SHROOM2: variants seen among roughly 807,000 people sequenced by gnomAD.
SHROOM2 encodes shroom family member 2.
Under a neutral mutation model 75.9 loss-of-function variants are expected in SHROOM2, and 33 were observed. That is an observed-to-expected ratio of 0.43 (90% CI 0.33 to 0.58). The LOEUF (loss-of-function observed/expected upper bound fraction) is 0.58, where lower values mean the gene tolerates loss of function less well. SHROOM2 is among the 20% of genes least tolerant of loss of function. The pLI, the probability that SHROOM2 is intolerant of heterozygous loss-of-function variation, is 0.04. For missense variants in SHROOM2, 1,434 were observed against 1,461.2 expected (o/e 0.98, Z 0.30); for synonymous variants, 655 against 663.6 (o/e 0.99, Z 0.20).
chrX:9,786,926 C>T (rs974707561), intron 1 of SHROOM2, among the ~76,000 whole-genome samples: 149 of 111,750 alleles, frequency 1.3e-3, no homozygotes, highest in Non-Finnish European at 2.3e-3. Context: ...GGCTCCTGCC[C>T]GGAGTCCCTT....
chrX:9,818,399 CT>C, intron 1 of SHROOM2: 1 of 251,489 alleles, frequency 4.0e-6, no homozygotes, highest in Non-Finnish European at 8.0e-6. Context: ...AATGGTTCTA[CT>C]TTGACACGAA....
intron 5 of SHROOM2, among the ~76,000 whole-genome samples, chrX:9,925,122 C>T (rs1392811092): frequency 8.9e-6 from 1 of 112,142 alleles, no homozygotes; most frequent in African/African-American, 3.2e-5. Context: ...TTTTCCACCT[C>T]ATCTGGCCTT....
At position 9,786,649 on chromosome X, in the gene SHROOM2, C is replaced by A; in HGVS notation, c.104C>A (p.Ala35Asp). The change falls in exon 1 of 10, where the codon GCC (alanine) becomes GAC (aspartate). Residue 35 changes from alanine to aspartate, a missense_variant. Physicochemically the swap from Ala to Asp is moderately radical, Grantham distance 126 (BLOSUM62 -2). This residue lies in a region of SHROOM2 where 1,340 missense variants were observed against 1,338.3 expected (regional missense o/e 1.00). Coordinates refer to ENST00000380913, the MANE Select transcript of SHROOM2 (RefSeq NM_001649.4). The stretch of plus-strand genomic sequence containing the variant: ...GTGGAGGTGCAGCTGAGCGGCGGCG[C>A]CCCGTGGGGCTTCACCCTGAAGGGC... ...RLVEVQLSGG[A>D]PWGFTLKGGR... 1.1e-6 allele frequency: 1 copy of A among 887,189 alleles called. No homozygotes were observed. The highest frequency in any genetic ancestry group is 6.0e-5 in the South Asian group (1 of 16,699). 73.1% of individuals were successfully genotyped at this position (887,189 alleles called of 1,213,427 possible). A position where few individuals can be genotyped will look rare whatever the true frequency, so the allele number is the denominator to read the frequency against.
intron 2 of SHROOM2, among the ~76,000 whole-genome samples, chrX:9,881,862 G>T (rs2084233197): frequency 8.9e-6 from 1 of 112,165 alleles, no homozygotes; most frequent in Non-Finnish European, 1.9e-5. Flanking sequence ...CTATACCTTG[G>T]TTTTTGTTTT....
intron 5 of SHROOM2, among the ~76,000 whole-genome samples, chrX:9,905,829 G>A (rs2084388678): frequency 8.9e-6 from 1 of 111,844 alleles, no homozygotes; most frequent in African/African-American, 3.3e-5. Context: ...GGACTCCCCT[G>A]TAAATGATGT....
chrX:9,905,568 C>T (rs1196191991), intron 5 of SHROOM2, among the ~76,000 whole-genome samples: 1 of 113,292 alleles, frequency 8.8e-6, no homozygotes, highest in South Asian at 3.5e-4. Context: ...TGGGCGGTGA[C>T]GGCGCGGGAG....
intron 5 of SHROOM2, among the ~76,000 whole-genome samples, chrX:9,915,906 T>C (rs1389568998): frequency 9.0e-6 from 1 of 111,706 alleles, no homozygotes; most frequent in Non-Finnish European, 1.9e-5. Context: ...AGATTGAGAT[T>C]TTCTCTTAAT....
At position 9,809,864 on chromosome X, in the gene SHROOM2, C is replaced by T. The variant is rs187317324; in HGVS notation, c.165+23154C>T. ...TTTGTGTGTGTGTTTTTAGTAGAGA[C>T]GGGGTTTCACCATGTTTTCCAGGCT... is the stretch of plus-strand genomic sequence containing the variant. On this transcript the variant is annotated intron_variant, in intron 1 of 9. Coordinates refer to ENST00000380913, the MANE Select transcript of SHROOM2 (RefSeq NM_001649.4). Among the ~76,000 whole-genome samples the T allele has an allele frequency of 3.6e-3, 402 of 111,410 alleles. 3 individuals carry two copies. Among genetic ancestry groups the T allele is most frequent in the African/African-American group, 0.012 (358 of 30,706 alleles).
intron 1 of SHROOM2, among the ~76,000 whole-genome samples, chrX:9,847,420 G>A: frequency 8.9e-6 from 1 of 112,402 alleles, no homozygotes; most frequent in Middle Eastern, 4.6e-3. Context: ...TGTCACAATA[G>A]CTGTGCGAAT....
rs151298781 is a variant in SHROOM2 at position 9,932,854 on chromosome X, G to C, written c.3571G>C (p.Asp1191His). 1 of 1,194,103 alleles carries C rather than the reference G, an allele frequency of 8.4e-7. No individual in the cohort carries two copies. The highest frequency in any genetic ancestry group is 1.1e-6 in the Non-Finnish European group (1 of 889,511). Reference protein sequence around the residue: ...LTDKPPLLIQDEDSTRIERVM... With the variant: ...LTDKPPLLIQHEDSTRIERVM... The stretch of plus-strand genomic sequence containing the variant: ...GGACAAACCTCCCCTGCTCATCCAG[G>C]ATGAGGATTCAACCAGGTACTGTCC... The change falls in exon 6 of 10, where the codon GAT becomes CAT. Residue 1191 changes from aspartate to histidine, a missense_variant. Physicochemically the swap from Asp to His is moderately conservative, Grantham distance 81. This residue lies in a region of SHROOM2 where 1,340 missense variants were observed against 1,338.3 expected (regional missense o/e 1.00). Coordinates refer to ENST00000380913, the MANE Select transcript of SHROOM2 (RefSeq NM_001649.4).
chrX:9,830,393 C>T (rs923911629), intron 1 of SHROOM2, among the ~76,000 whole-genome samples: 4 of 109,969 alleles, frequency 3.6e-5, no homozygotes, highest in South Asian at 3.9e-4. Flanking sequence ...TGCCTAGAGT[C>T]GCTGATCCAC....
chrX:9,803,311 C>T (rs1459220335), intron 1 of SHROOM2, among the ~76,000 whole-genome samples: 1 of 111,304 alleles, frequency 9.0e-6, no homozygotes, highest in Non-Finnish European at 1.9e-5. Context: ...CTGTGTAAGC[C>T]ACATGAGCCA....
chrX:9,851,335 G>C (rs1291171786), intron 1 of SHROOM2, among the ~76,000 whole-genome samples: 3 of 110,388 alleles, frequency 2.7e-5, no homozygotes, highest in Non-Finnish European at 5.7e-5. Context: ...GATCATTATA[G>C]CTTCAGGTGG....
At chrX:9,795,101 C>CTTTT (rs1175848476) in intron 1 of SHROOM2, among the ~76,000 whole-genome samples, 1 of 99,369 alleles carries the variant, frequency 1.0e-5, no homozygotes, top group East Asian at 3.1e-4. Flanking sequence ...TTTTCTTTTT[C>CTTTT]TTTCTTTCTT....
At chrX:9,849,725 G>A (rs1304176729) in intron 1 of SHROOM2, among the ~76,000 whole-genome samples, 2 of 111,991 alleles carry the variant, frequency 1.8e-5, no homozygotes, top group Non-Finnish European at 3.8e-5. Flanking sequence ...GTGGGAAGAA[G>A]TTTCCTCATC....
rs2084826897 is a variant in SHROOM2 at position 9,946,961 on chromosome X, G to T, written c.*24G>T. The T allele has an allele frequency of 8.6e-7, 1 of 1,167,591 alleles. No individual in the cohort carries two copies. The highest frequency in any genetic ancestry group is 3.1e-5 in the East Asian group (1 of 32,658). On this transcript the variant is annotated 3_prime_UTR_variant, in exon 10 of 10. Coordinates refer to ENST00000380913, the MANE Select transcript of SHROOM2 (RefSeq NM_001649.4). ...AAGAGACCAGTCCCCGGTGGAGGAG[G>T]GGCACGGGGCCTCCGAGCTCCAGCT...
chrX:9,824,048 G>A (rs2083875602), intron 1 of SHROOM2, among the ~76,000 whole-genome samples: 2 of 110,737 alleles, frequency 1.8e-5, no homozygotes, highest in Non-Finnish European at 3.8e-5. Flanking sequence ...CCACTGCAGC[G>A]TCCCAAGAAA....
At chrX:9,855,295 TAAAAAAAAAA>T (rs57235424) in intron 1 of SHROOM2, among the ~76,000 whole-genome samples, 3 of 39,299 alleles carry the variant, frequency 7.6e-5, no homozygotes, top group Admixed American at 4.2e-4. Context: ...TAAAGTATAG[TAAAAAAAAAA>T]AAAAAAAAAA....
At chrX:9,934,266 C>G (rs1041386204) in intron 6 of SHROOM2, among the ~76,000 whole-genome samples, 1 of 111,784 alleles carries the variant, frequency 8.9e-6, no homozygotes, top group Non-Finnish European at 1.9e-5. Flanking sequence ...GTATTCCCAT[C>G]GCCGCAGAAA....
Sources: allele counts gnomAD v4.1 joint callset (sites outside exome capture counted in the v4.1 genomes callset), GRCh38; gene constraint gnomAD v4.1.1; regional missense constraint gnomAD v4.1.1; transcripts MANE v1.5; gene names NCBI Gene and HGNC (gene_info 2026-07-23, HGNC 2026-07-21).